Variants in RELT observed in about 807,000 individuals in gnomAD.
The protein encoded by RELT is RELT TNF receptor.
RELT carries 37 observed loss-of-function variants against 51.1 expected under a neutral mutation model. That is an observed-to-expected ratio of 0.72 (90% CI 0.56 to 0.95). RELT has a LOEUF of 0.95. Among genes scored for constraint, RELT ranks in the 40% least tolerant of loss-of-function variants. RELT has a pLI of 0.00. For missense variants in RELT, 535 were observed against 572.6 expected, an observed-to-expected ratio of 0.93 and a Z score of 0.67; for synonymous variants, 241 against 235.7, an observed-to-expected ratio of 1.02 and a Z score of -0.21.
chr11:73,386,479 G>A (rs1339659780), intron 1 of RELT, among the ~76,000 whole-genome samples: 3 of 152,208 alleles, frequency 2.0e-5, no homozygotes, highest in South Asian at 4.1e-4. Flanking sequence ...GTGTGGACAT[G>A]TGTGTGCACC....
Position 73,395,841 on chromosome 11 carries a change from G to A in RELT, c.*350G>A, listed in dbSNP as rs141976672. On this transcript the variant is annotated 3_prime_UTR_variant, in exon 11 of 11. Transcript: ENST00000064780. ...TGGCAGAGGGGAGGGGCCTGTGCCCGTCACCCCTGGCCCCATTCCTTGGTA... is the reference window on the plus strand; with the variant it reads ...TGGCAGAGGGGAGGGGCCTGTGCCCATCACCCCTGGCCCCATTCCTTGGTA... 1.4e-4 allele frequency: 57 copies of A among 405,500 alleles called. No individual in the cohort carries two copies. Among genetic ancestry groups the A allele is most frequent in the East Asian group, 1.2e-3 (24 of 20,744 alleles). 25.1% of individuals were successfully genotyped at this position (405,500 alleles called of 1,614,324 possible).
At position 73,377,681 on chromosome 11, in the gene RELT, A is replaced by ACC. The variant is rs150993049; in HGVS notation, c.-26+1188_-26+1189dup. ...GACCCGGACACAATCTTGTTCTCAG[A>ACC]CCCCCCCGCCCCCCTCCCCCGCGCA... is the stretch of plus-strand genomic sequence containing the variant. On this transcript the variant is annotated intron_variant, in intron 1 of 10. Transcript: ENST00000064780. 4.0e-3 allele frequency among the ~76,000 whole-genome samples: 583 copies of ACC among 145,264 alleles called. 3 individuals are homozygous for ACC. The highest frequency in any genetic ancestry group is 6.9e-3 in the Middle Eastern group (2 of 288).
intron 2 of RELT, among the ~76,000 whole-genome samples, chr11:73,389,867 A>G (rs1344230229): frequency 6.6e-6 from 1 of 152,204 alleles, no homozygotes; most frequent in Non-Finnish European, 1.5e-5. Flanking sequence ...AGCCTAGGCC[A>G]AATTGGGGGA....
At chr11:73,391,086 C>G (rs1264895748) in intron 4 of RELT, 58 bp from the exon 5 acceptor site, 6 of 1,577,234 alleles carry the variant, frequency 3.8e-6, no homozygotes. Flanking sequence ...TCCAGCCTCT[C>G]CTAAGGATAG....
In RELT at chr11:73,395,120, A is replaced by C. The variant is rs78364097; in HGVS notation, c.1080A>C (p.Thr360=). Reference sequence around the variant, plus strand: ...TGGCTCGAATTCCTGAGCAGCGGACAAGTTCAATGGTGTCTGAGGTGAAGA... The same window carrying C: ...TGGCTCGAATTCCTGAGCAGCGGACCAGTTCAATGGTGTCTGAGGTGAAGA... ...FRVARIPEQR[T]SSMVSEVKTI... The change falls in exon 10 of 11, where the codon ACA becomes ACC. Residue 360 remains threonine, a synonymous_variant. Transcript: ENST00000064780. 2,752 of 1,613,654 alleles carry C rather than the reference A, an allele frequency of 1.7e-3. 46 individuals are homozygous for C. The East Asian group carries it at 0.031, about 18-fold the overall frequency.
At chr11:73,382,074 G>A (rs1479119358) in intron 1 of RELT, among the ~76,000 whole-genome samples, 1 of 152,182 alleles carries the variant, frequency 6.6e-6, no homozygotes, top group African/African-American at 2.4e-5. Context: ...CAAGGCCATC[G>A]ATCTGCGAAG....
chr11:73,382,349 G>A (rs1257195071), intron 1 of RELT, among the ~76,000 whole-genome samples: 2 of 152,364 alleles, frequency 1.3e-5, no homozygotes, highest in East Asian at 3.9e-4. Context: ...GGTGATTGGG[G>A]GCAGGGCCCA....
rs978248588 is a variant in RELT, at chr11:73,388,059, C to T, written c.-25-1053C>T. 2.0e-5 allele frequency among the ~76,000 whole-genome samples: 3 copies of T among 152,230 alleles called. No individual in the cohort carries two copies. The highest frequency in any genetic ancestry group is 7.2e-5 in the African/African-American group (3 of 41,450). ...GAATCCTTTGTCCTGCTGTGTCCGC[C>T]TCGTCCACTGGCCGGAGGCTTCTCC... On this transcript the variant is annotated intron_variant, in intron 1 of 10. Transcript: ENST00000064780. This position sits in a 1 kb window ranked among gnomAD's most constrained non-coding sequence, Gnocchi z 4.1.
Position 73,391,169 on chromosome 11 carries a change from C to T in RELT, c.313C>T (p.Arg105Cys). The stretch of plus-strand genomic sequence containing the variant: ...GTGGTTTGGGCCTTGGGGGGTTCCC[C>T]GCGTTCCATGTCAACCATGTTCCTG... ...PGWFGPWGVPRVPCQPCSWAP... is the reference protein window; with the variant it reads ...PGWFGPWGVPCVPCQPCSWAP... Residue 105 changes from arginine (R) to cysteine (C), a missense_variant, in exon 5 of 11, where the codon CGC (arginine) becomes TGC (cysteine). Transcript: ENST00000064780. 7.4e-6 allele frequency: 12 copies of T among 1,613,872 alleles called. No homozygotes were observed. Among genetic ancestry groups the T allele is most frequent in the Non-Finnish European group, 1.0e-5 (12 of 1,179,896 alleles).
chr11:73,392,822 T>C, intron 6 of RELT: 2 of 1,182,740 alleles, frequency 1.7e-6, no homozygotes, highest in East Asian at 9.5e-5. Flanking sequence ...ACCTCTGGCC[T>C]GGAGTAGCAG....
chr11:73,393,780 A>G, intron 6 of RELT, 57 bp from the exon 7 acceptor site: 2 of 1,587,170 alleles, frequency 1.3e-6, no homozygotes, highest in Admixed American at 1.7e-5. Flanking sequence ...ATCATGGTTT[A>G]GCTCAGGAGT....
intron 2 of RELT, 100 bp from the exon 3 acceptor site, chr11:73,390,451 C>A: frequency 9.2e-7 from 1 of 1,086,670 alleles, no homozygotes; most frequent in Non-Finnish European, 1.4e-6. Context: ...AGTCAGTGGT[C>A]CCTACCACTG....
Position 73,394,396 on chromosome 11 carries a change from T to C in RELT, c.788+79T>C. 1 of 1,608,210 alleles carries C rather than the reference T, an allele frequency of 6.2e-7. No individual in the cohort carries two copies. Among genetic ancestry groups the C allele is most frequent in the Non-Finnish European group, 8.5e-7 (1 of 1,175,550 alleles). On this transcript the variant is annotated intron_variant, in intron 8 of 10. Coordinates refer to ENST00000064780, the MANE Select transcript of RELT (RefSeq NM_152222.2). The surrounding 1 kb of genome is among the most constrained non-coding windows in gnomAD (Gnocchi z 4.9). ...CTCCTGGGGATCTCCCACTTGGGTCTCCCTCAAGTCACCCTGTTCCCTGCT... is the reference window on the plus strand; with the variant it reads ...CTCCTGGGGATCTCCCACTTGGGTCCCCCTCAAGTCACCCTGTTCCCTGCT...
At chr11:73,378,843 G>C (rs1234281657) in intron 1 of RELT, among the ~76,000 whole-genome samples, 1 of 152,248 alleles carries the variant, frequency 6.6e-6, no homozygotes, top group Non-Finnish European at 1.5e-5. Flanking sequence ...GCTTTGAAGA[G>C]TGTATGGAGT....
In RELT at chr11:73,388,112, G is replaced by T. The variant is rs939774421; in HGVS notation, c.-25-1000G>T. On this transcript the variant is annotated intron_variant, in intron 1 of 10. Coordinates refer to ENST00000064780, the MANE Select transcript of RELT (RefSeq NM_152222.2). This position sits in a 1 kb window ranked among gnomAD's most constrained non-coding sequence, Gnocchi z 4.1. ...AGCAGGCCACCGTCTGGGCCTGGGG[G>T]CCTCAGTCTCAGACCGGTGGGCCGT... 6.6e-6 allele frequency among the ~76,000 whole-genome samples: 1 copy of T among 152,232 alleles called. No homozygotes were observed. The highest frequency in any genetic ancestry group is 2.4e-5 in the African/African-American group (1 of 41,456).
intron 6 of RELT, 145 bp downstream of exon 6, chr11:73,392,613 A>T: frequency 7.1e-7 from 1 of 1,399,446 alleles, no homozygotes; most frequent in Non-Finnish European, 9.5e-7. Context: ...GACTGACAAC[A>T]TGGGAGGAAA....
At chr11:73,385,042 C>T (rs974610922) in intron 1 of RELT, among the ~76,000 whole-genome samples, 14 of 151,850 alleles carry the variant, frequency 9.2e-5, no homozygotes, top group South Asian at 2.1e-4. Context: ...CGCGTCACGA[C>T]GCCATCCTGA....
At chr11:73,389,036 G>T in intron 1 of RELT, 76 bp from the exon 2 acceptor site, 1 of 770,124 alleles carries the variant, frequency 1.3e-6, no homozygotes, top group Admixed American at 2.1e-5. Flanking sequence ...CTGTCATCCT[G>T]GAAGTGGTGC....
intron 1 of RELT, among the ~76,000 whole-genome samples, chr11:73,378,248 C>T (rs4409864): frequency 0.01 from 1,571 of 152,024 alleles, 10 homozygotes; most frequent in Non-Finnish European, 0.016. Flanking sequence ...GCTGAGCTCC[C>T]TAGTCTAGGA....
Sources: allele counts gnomAD v4.1 joint callset (sites outside exome capture counted in the v4.1 genomes callset), GRCh38; gene constraint gnomAD v4.1.1; non-coding constraint Gnocchi (gnomAD v3.1); transcripts MANE v1.5; gene names NCBI Gene and HGNC (gene_info 2026-07-23, HGNC 2026-07-21).